HDAC4: variants seen among roughly 807,000 people sequenced by gnomAD.
HDAC4 encodes the protein histone deacetylase 4.
HDAC4 carries 16 observed loss-of-function variants against 135.1 expected under a neutral mutation model. The ratio of observed to expected loss-of-function variants is 0.12; its 90% confidence interval spans 0.08 to 0.18. The LOEUF is 0.18. Ranked by LOEUF, HDAC4 falls within the 10% of genes least tolerant of loss-of-function variation. The pLI is 1.00. For synonymous variants in HDAC4, 685 were observed against 653.4 expected (o/e 1.05, Z -0.74); for missense variants, 1,143 against 1,511.8 (o/e 0.76, Z 4.05).
intron 4 of HDAC4, among the ~76,000 whole-genome samples, chr2:239,183,686 C>G (rs746938894): frequency 1.1e-4 from 16 of 152,218 alleles, no homozygotes; most frequent in African/African-American, 3.9e-4. Flanking sequence ...GGACTCTGCT[C>G]CAAACCAAGA....
At chr2:239,184,261 C>A (rs1237007222) in intron 4 of HDAC4, among the ~76,000 whole-genome samples, 1 of 152,136 alleles carries the variant, frequency 6.6e-6, no homozygotes, top group Non-Finnish European at 1.5e-5. Flanking sequence ...GTGCCCTGTA[C>A]CTGCCCTGGA....
chr2:239,130,329 G>GT (rs1008875446), intron 11 of HDAC4, among the ~76,000 whole-genome samples: 4 of 152,196 alleles, frequency 2.6e-5, no homozygotes, highest in African/African-American at 9.7e-5. Context: ...GGGACTCGCT[G>GT]TTTTTTGGGG....
intron 1 of HDAC4, among the ~76,000 whole-genome samples, chr2:239,396,025 G>A (rs1435322977): frequency 6.6e-6 from 1 of 152,124 alleles, no homozygotes; most frequent in African/African-American, 2.4e-5. Context: ...CACTCAGGCT[G>A]AAGTGCAGTG....
intron 3 of HDAC4, among the ~76,000 whole-genome samples, chr2:239,191,224 G>A (rs1455975936): frequency 1.3e-5 from 2 of 152,204 alleles, no homozygotes; most frequent in Non-Finnish European, 2.9e-5. Context: ...GCCAACAAGA[G>A]GGCTGCTGAG....
intron 1 of HDAC4, among the ~76,000 whole-genome samples, chr2:239,353,538 T>C (rs1279729599): frequency 6.6e-6 from 1 of 152,104 alleles, no homozygotes. Flanking sequence ...TTTAGCAGGA[T>C]CCTGGGCCTC....
chr2:239,224,392 T>G (rs900539782), intron 3 of HDAC4, among the ~76,000 whole-genome samples: 4 of 152,344 alleles, frequency 2.6e-5, no homozygotes, highest in Admixed American at 2.6e-4. Flanking sequence ...GTCGCTTCTC[T>G]GCTCAGAACC....
Position 239,054,848 on chromosome 2 carries a change from A to G in HDAC4, c.3004-15T>C, listed in dbSNP as rs528928488. 28 of 1,563,444 alleles carry G rather than the reference A, an allele frequency of 1.8e-5. No homozygotes were observed. The highest frequency in any genetic ancestry group is 8.9e-5 in the South Asian group (8 of 90,042). On this transcript the variant is annotated splice_polypyrimidine_tract_variant and intron_variant, in intron 24 of 26. Coordinates refer to ENST00000543185, the MANE Select transcript of HDAC4 (RefSeq NM_001378414.1). ...AGAGGATCAAGCTGGAAGAAAATGC[A>G]TAAGAATATAAAGACTGCCAATATA... is the stretch of plus-strand genomic sequence containing the variant.
Position 239,054,969 on chromosome 2 carries a change from ATAACTT to A in HDAC4, c.3004-142_3004-137del, listed in dbSNP as rs765316316. On this transcript the variant is annotated intron_variant, in intron 24 of 26. Transcript: ENST00000543185. ...GCATTTGCCCACAGAGTAGAAAAAA[ATAACTT>A]TAAAAAGCCAAATGTGCCGTGGTAT... The A allele has an allele frequency of 8.5e-6, 6 of 707,472 alleles. No individual in the cohort carries two copies. The African/African-American group carries it at 8.9e-5, about 10-fold the overall frequency. 43.8% of individuals were successfully genotyped at this position (707,472 alleles called of 1,614,324 possible).
At chr2:239,357,781 C>A (rs532719587) in intron 1 of HDAC4, among the ~76,000 whole-genome samples, 2 of 148,368 alleles carry the variant, frequency 1.3e-5, no homozygotes, top group Admixed American at 1.4e-4. Context: ...CCCAGCTACT[C>A]GGGAGGCTGA....
At chr2:239,266,858 C>A (rs77714977) in intron 2 of HDAC4, among the ~76,000 whole-genome samples, 6,217 of 152,230 alleles carry the variant, frequency 0.041, 148 homozygotes, top group East Asian at 0.08. Flanking sequence ...CTGCTCCACC[C>A]CACACCCAGG....
intron 8 of HDAC4, among the ~76,000 whole-genome samples, chr2:239,144,376 A>G (rs1226470524): frequency 6.6e-6 from 1 of 152,116 alleles, no homozygotes; most frequent in African/African-American, 2.4e-5. Context: ...TAATGCCAGG[A>G]GCAGGGCCCG....
At chr2:239,360,314 C>T (rs558357146) in intron 1 of HDAC4, among the ~76,000 whole-genome samples, 21 of 152,290 alleles carry the variant, frequency 1.4e-4, no homozygotes, top group Non-Finnish European at 1.6e-4. Flanking sequence ...CACAGACAGC[C>T]GCAAGGGGAC....
chr2:239,090,162 G>A (rs374595896), intron 17 of HDAC4, 46 bp from the exon 18 acceptor site: 16 of 1,359,870 alleles, frequency 1.2e-5, no homozygotes, highest in Non-Finnish European at 1.6e-5. Context: ...CCAGGCCACC[G>A]TCATCACCAG....
chr2:239,119,599 T>C (rs1422485358), intron 12 of HDAC4, among the ~76,000 whole-genome samples: 3 of 150,666 alleles, frequency 2.0e-5, no homozygotes. Flanking sequence ...AGCTCAGGGC[T>C]GAGAACGCAG....
intron 24 of HDAC4, chr2:239,055,064 C>T (rs936690117): frequency 4.4e-6 from 2 of 454,750 alleles, no homozygotes; most frequent in African/African-American, 4.0e-5. Context: ...TGGGTTCCTA[C>T]AAGTAGCAGG....
intron 12 of HDAC4, among the ~76,000 whole-genome samples, chr2:239,119,767 G>A (rs924222814): frequency 1.3e-5 from 2 of 152,190 alleles, no homozygotes; most frequent in Non-Finnish European, 2.9e-5. Flanking sequence ...GAGAGGCTGC[G>A]GGTCTCTCCG....
At chr2:239,145,118 C>A (rs1195442097) in intron 7 of HDAC4, among the ~76,000 whole-genome samples, 1 of 152,058 alleles carries the variant, frequency 6.6e-6, no homozygotes, top group African/African-American at 2.4e-5. Context: ...GATAATACAC[C>A]CCTATCTTCA....
rs575031545 is a variant in HDAC4 at position 239,079,765 on chromosome 2, TACAC to T, written c.2750+1326_2750+1329del. Among the ~76,000 whole-genome samples, 78 of 150,668 alleles carry T rather than the reference TACAC, an allele frequency of 5.2e-4. 1 individual carries two copies. The highest frequency in any genetic ancestry group is 1.5e-3 in the Admixed American group (23 of 15,198). ...AGATGTGCACACACACACAGAGATA[TACAC>T]ACAAAGACGTGCATGCAAAGACACA... On this transcript the variant is annotated intron_variant, in intron 22 of 26. Coordinates refer to ENST00000543185, the MANE Select transcript of HDAC4 (RefSeq NM_001378414.1).
chr2:239,163,597 G>T (rs952753073), intron 6 of HDAC4, among the ~76,000 whole-genome samples: 2 of 152,140 alleles, frequency 1.3e-5, no homozygotes, highest in Non-Finnish European at 2.9e-5. Context: ...TCTGGAGGTG[G>T]GCCCCTCCGT....
Sources: gnomAD v4.1 joint callset for allele counts (sites outside exome capture counted in the v4.1 genomes callset) on GRCh38, gnomAD v4.1.1 for gene constraint, MANE v1.5 for transcripts, NCBI Gene and HGNC (gene_info 2026-07-23, HGNC 2026-07-21) for gene names.